Variants in CEBPZ observed in about 807,000 individuals in gnomAD.
CEBPZ encodes CCAAT/enhancer-binding protein zeta.
CEBPZ carries 78 observed loss-of-function variants against 104.5 expected under a neutral mutation model. The observed-to-expected ratio is 0.75, with a 90% confidence interval of 0.62 to 0.90. The LOEUF (loss-of-function observed/expected upper bound fraction) is 0.90, where lower values mean the gene tolerates loss of function less well. CEBPZ is among the 40% of genes least tolerant of loss of function. The pLI, the probability that CEBPZ is intolerant of heterozygous loss-of-function variation, is 0.00. For synonymous variants in CEBPZ, 470 were observed against 427.0 expected (o/e 1.10, Z -1.24); for missense variants, 1,439 against 1,233.5 (o/e 1.17, Z -2.50).
intron 2 of CEBPZ, among the ~76,000 whole-genome samples, chr2:37,226,441 C>A (rs72875760): frequency 0.022 from 3,380 of 152,272 alleles, 74 homozygotes; most frequent in African/African-American, 0.062. Flanking sequence ...ACACACATAA[C>A]CTCCCAACCT....
At chr2:37,223,139 A>C in intron 3 of CEBPZ, 31 bp downstream of exon 3, 1 of 1,543,740 alleles carries the variant, frequency 6.5e-7, no homozygotes, top group South Asian at 1.1e-5. Flanking sequence ...TTCAGCACCC[A>C]CTCAATTTAA....
At position 37,228,132 on chromosome 2, in the gene CEBPZ, C is replaced by G; in HGVS notation, c.1061G>C (p.Ser354Thr). The change falls in exon 2 of 16, where the codon AGT becomes ACT. Residue 354 changes from serine (S) to threonine (T), a missense_variant. Physicochemically the swap from Ser to Thr is moderately conservative, Grantham distance 58. Transcript: ENST00000234170. ...AEFVQVLETL[S>T]HDTLVTTKTR... ...TTTAGTGGTTACTAATGTATCATGACTTAAAGTTTCTAAGACCTGCACAAA... is the reference window on the plus strand; with the variant it reads ...TTTAGTGGTTACTAATGTATCATGAGTTAAAGTTTCTAAGACCTGCACAAA... The G allele has an allele frequency of 6.2e-7, 1 of 1,614,212 alleles. No homozygotes were observed. The highest frequency in any genetic ancestry group is 2.2e-5 in the East Asian group (1 of 44,890).
chr2:37,216,286 A>C, intron 7 of CEBPZ, 30 bp downstream of exon 7: 1 of 1,607,152 alleles, frequency 6.2e-7, no homozygotes, highest in Non-Finnish European at 8.5e-7. Flanking sequence ...TAAAAATGAA[A>C]GCCAAATAAT....
intron 6 of CEBPZ, 63 bp from the exon 7 acceptor site, chr2:37,216,481 A>G (rs1243319060): frequency 8.8e-7 from 1 of 1,135,010 alleles, no homozygotes; most frequent in Non-Finnish European, 1.3e-6. Context: ...CCAAGTAAGA[A>G]AAAGGAAGAA....
chr2:37,223,576 T>C (rs1308095213), intron 2 of CEBPZ, among the ~76,000 whole-genome samples, 175 bp from the exon 3 acceptor site: 5 of 152,198 alleles, frequency 3.3e-5, no homozygotes, highest in African/African-American at 1.2e-4. Flanking sequence ...CAGAAAAGGA[T>C]GATGATGGCA....
chr2:37,230,181 C>T (rs1665016258), intron 1 of CEBPZ, among the ~76,000 whole-genome samples: 1 of 151,936 alleles, frequency 6.6e-6, no homozygotes, highest in African/African-American at 2.4e-5. Flanking sequence ...TGACACAGAA[C>T]GTTATGCACT....
At chr2:37,231,263 G>T in intron 1 of CEBPZ, 149 bp downstream of exon 1, 1 of 1,048,268 alleles carries the variant, frequency 9.5e-7, no homozygotes, top group South Asian at 1.3e-5. Context: ...AACCGGCGTG[G>T]GAAGCGCACC....
In CEBPZ at chr2:37,231,588, G is replaced by C. The variant is rs371592598; in HGVS notation, c.-21C>G. 7 of 1,614,222 alleles carry C rather than the reference G, an allele frequency of 4.3e-6. No individual in the cohort carries two copies. In the Admixed American group the frequency reaches 1.0e-4, roughly 23 times the overall value. ...GCCATGGCGGGCAAAGCATACGCGCGTGAAACTCAGCCTATTTCCGCTCTG... is the reference window on the plus strand; with the variant it reads ...GCCATGGCGGGCAAAGCATACGCGCCTGAAACTCAGCCTATTTCCGCTCTG... On this transcript the variant is annotated 5_prime_UTR_variant, in exon 1 of 16. Transcript: ENST00000234170.
chr2:37,213,091 T>C (rs925403834), intron 10 of CEBPZ, among the ~76,000 whole-genome samples: 1 of 152,026 alleles, frequency 6.6e-6, no homozygotes, highest in Non-Finnish European at 1.5e-5. Context: ...AAAAAATATG[T>C]AACGTGAAAT....
In CEBPZ at chr2:37,227,998, C is replaced by A; in HGVS notation, c.1195G>T (p.Ala399Ser). The A allele has an allele frequency of 6.2e-7, 1 of 1,614,138 alleles. No homozygotes were observed. The highest frequency in any genetic ancestry group is 8.5e-7 in the Non-Finnish European group (1 of 1,180,026). ...TCTAACAGATGGGATGCTTTTGTGG[C>A]AATTCTGTTCTGAGGATCTCCCAGT... ...NKLGDPQNRI[A>S]TKASHLLETL... Residue 399 changes from alanine to serine, a missense_variant, in exon 2 of 16, where the codon GCC becomes TCC. Transcript: ENST00000234170.
intron 13 of CEBPZ, chr2:37,204,282 T>C (rs1345186242): frequency 6.7e-6 from 1 of 150,030 alleles, no homozygotes; most frequent in Admixed American, 6.7e-5. Flanking sequence ...TTTTGATTTT[T>C]TTTTTTTTTT....
Position 37,214,910 on chromosome 2 carries a change from G to C in CEBPZ, c.2423C>G (p.Pro808Arg), listed in dbSNP as rs888660493. 1 of 1,610,194 alleles carries C rather than the reference G, an allele frequency of 6.2e-7. No homozygotes were observed. Among genetic ancestry groups the C allele is most frequent in the East Asian group, 2.2e-5 (1 of 44,802 alleles). Residue 808 changes from proline to arginine, a missense_variant, in exon 9 of 16, where the codon CCA (proline) becomes CGA (arginine). Transcript: ENST00000234170. ...CCTGTGGAAAAACACTTCATCCACT[G>C]GTATTTGGCTTTCTTCTTTTGCAAG... ...EFLAKEESQI[P>R]VDEVFFHRYY...
rs1664906957 is a variant in CEBPZ at position 37,227,164 on chromosome 2, G to A, written c.1649+380C>T. Among the ~76,000 whole-genome samples, 3 of 152,144 alleles carry A rather than the reference G, an allele frequency of 2.0e-5. No homozygotes were observed. In the South Asian group the frequency reaches 6.2e-4, roughly 32 times the overall value. The stretch of plus-strand genomic sequence containing the variant: ...TGAAAGACAGCAGGGAAAAGATAGA[G>A]GACTGAGGAGAATGGGAAGACGGAA... On this transcript the variant is annotated intron_variant, in intron 2 of 15. Coordinates refer to ENST00000234170, the MANE Select transcript of CEBPZ (RefSeq NM_005760.3).
chr2:37,217,240 T>C (rs1463187069), intron 5 of CEBPZ, among the ~76,000 whole-genome samples: 1 of 151,604 alleles, frequency 6.6e-6, no homozygotes, highest in African/African-American at 2.4e-5. Context: ...CTACAAAAAG[T>C]ACAAAAATAG....
intron 2 of CEBPZ, 92 bp from the exon 3 acceptor site, chr2:37,223,493 A>G: frequency 9.4e-7 from 1 of 1,067,084 alleles, no homozygotes; most frequent in South Asian, 1.5e-5. Flanking sequence ...ACCTCATCTT[A>G]GTTAGGGATA....
chr2:37,215,064 T>C lies in CEBPZ; in HGVS notation c.2381-112A>G, dbSNP rs1392243892. On this transcript the variant is annotated intron_variant, in intron 8 of 15. Transcript: ENST00000234170. ...TGTAATTCTAAAAATCTCAGAATTG[T>C]GTGGGAAGGTAGACAGAAGGGACTC... 6 of 730,794 alleles carry C rather than the reference T, an allele frequency of 8.2e-6. No homozygotes were observed. The African/African-American group carries it at 1.1e-4, about 13-fold the overall frequency. The allele number at this position is 730,794 out of a possible 1,614,324, so 45.3% of individuals were successfully genotyped here.
intron 2 of CEBPZ, among the ~76,000 whole-genome samples, chr2:37,226,162 C>T (rs1391397011): frequency 6.6e-6 from 1 of 151,926 alleles, no homozygotes; most frequent in Non-Finnish European, 1.5e-5. Context: ...ATGCTGAACG[C>T]TGGTTCCCCG....
Position 37,216,327 on chromosome 2 carries a change from T to C in CEBPZ, c.2300A>G (p.His767Arg). 5 of 1,613,624 alleles carry C rather than the reference T, an allele frequency of 3.1e-6. No homozygotes were observed. In the South Asian group the frequency reaches 3.3e-5, roughly 11 times the overall value. Residue 767 changes from histidine (H) to arginine (R), a missense_variant, in exon 7 of 16, where the codon CAT becomes CGT. Physicochemically the swap from His to Arg is conservative, Grantham distance 29 (BLOSUM62 0). Coordinates refer to ENST00000234170, the MANE Select transcript of CEBPZ (RefSeq NM_005760.3). ...AAATAGAAGCATACCTTTGCCTTTA[T>C]GGGGCTTTGGATTTCGGTATACAAA... Reference protein sequence around the residue: ...DRFVYRNPKPHKGKENTDSVV... With the variant: ...DRFVYRNPKPRKGKENTDSVV...
Position 37,228,498 on chromosome 2 carries a change from G to A in CEBPZ, c.695C>T (p.Ser232Phe), listed in dbSNP as rs535208220. The change falls in exon 2 of 16, where the codon TCT becomes TTT. Residue 232 changes from serine (S) to phenylalanine (F), a missense_variant. Transcript: ENST00000234170. ...TGACACAATTGCCTTCATCCAGGTA[G>A]AAGAGGCTCCCTTTTGACTATTCGT... ...SKTNSQKGAS[S>F]TWMKAIVSSG... 1.2e-6 allele frequency: 2 copies of A among 1,614,224 alleles called. No individual in the cohort carries two copies. Among genetic ancestry groups the A allele is most frequent in the Admixed American group, 1.7e-5 (1 of 60,030 alleles).
Sources: allele counts gnomAD v4.1 joint callset (sites outside exome capture counted in the v4.1 genomes callset), GRCh38; gene constraint gnomAD v4.1.1; transcripts MANE v1.5; gene names NCBI Gene and HGNC (gene_info 2026-07-23, HGNC 2026-07-21).